GRIN2B: variants seen among roughly 807,000 people sequenced by gnomAD.
GRIN2B encodes the protein glutamate receptor ionotropic, NMDA 2B.
GRIN2B carries 5 observed loss-of-function variants against 114.5 expected under a neutral mutation model. The ratio of observed to expected loss-of-function variants is 0.04; its 90% CI spans 0.02 to 0.09. The LOEUF (loss-of-function observed/expected upper bound fraction) is 0.09, where lower values mean the gene tolerates loss of function less well. Among genes scored for constraint, GRIN2B ranks in the 10% least tolerant of loss-of-function variants. GRIN2B has a pLI of 1.00. For synonymous variants in GRIN2B, 787 were observed against 745.1 expected, an observed-to-expected ratio of 1.06 and a Z score of -0.92; for missense variants, 1,108 against 1,943.5, an observed-to-expected ratio of 0.57 and a Z score of 8.08.
chr12:13,855,573 G>A (rs1055971674), intron 3 of GRIN2B, among the ~76,000 whole-genome samples: 1 of 152,122 alleles, frequency 6.6e-6, no homozygotes, highest in African/African-American at 2.4e-5. Flanking sequence ...GCCTCTTCCA[G>A]TTTCTGGCGG....
At chr12:13,927,368 T>A (rs549718058) in intron 2 of GRIN2B, among the ~76,000 whole-genome samples, 1 of 152,224 alleles carries the variant, frequency 6.6e-6, no homozygotes, top group East Asian at 1.9e-4. Context: ...GCTAGAAATG[T>A]TTTTTTCTGT....
At chr12:13,654,127 G>A (rs1949842141) in intron 5 of GRIN2B, among the ~76,000 whole-genome samples, 1 of 152,130 alleles carries the variant, frequency 6.6e-6, no homozygotes, top group African/African-American at 2.4e-5. Context: ...GTGGGCTGCT[G>A]AATAGCCCTC....
chr12:13,760,395 T>C (rs1863657182), intron 3 of GRIN2B, among the ~76,000 whole-genome samples: 1 of 152,232 alleles, frequency 6.6e-6, no homozygotes, highest in African/African-American at 2.4e-5. Flanking sequence ...CTTTGTTGGC[T>C]ATCCAACTGT....
At chr12:13,567,598 CAA>C (rs1236654662) in intron 12 of GRIN2B, among the ~76,000 whole-genome samples, 1 of 152,106 alleles carries the variant, frequency 6.6e-6, no homozygotes, top group Admixed American at 6.5e-5. Context: ...CTGCAGGTAA[CAA>C]GAGTCCAAAT....
intron 10 of GRIN2B, among the ~76,000 whole-genome samples, chr12:13,607,451 A>ATATATTATATATAATATATATTATATAT (rs1491358230): frequency 1.1e-5 from 1 of 90,716 alleles, no homozygotes; most frequent in African/African-American, 4.8e-5. Context: ...TATATATAAT[A>ATATATTATATATAATATATATTATATAT]AATATATAAA....
At position 13,544,009 on chromosome 12, in the gene GRIN2B, C is replaced by T. The variant is rs1018752198; in HGVS notation, c.*18774G>A. 1 of 152,140 alleles carries T rather than the reference C, an allele frequency of 6.6e-6. No individual in the cohort carries two copies. Among genetic ancestry groups the T allele is most frequent in the African/African-American group, 2.4e-5 (1 of 41,422 alleles). 9.4% of individuals were successfully genotyped at this position (152,140 alleles called of 1,614,324 possible). A position where few individuals can be genotyped will look rare whatever the true frequency, so the allele number is the denominator to read the frequency against. On this transcript the variant is annotated 3_prime_UTR_variant, in exon 14 of 14. Coordinates refer to ENST00000609686, the MANE Select transcript of GRIN2B (RefSeq NM_000834.5). ...CCTAGGCATCATCAATTTTTCCTTTCTCCTGGATTAGTCTTGTCAACATAA... is the reference window on the plus strand; with the variant it reads ...CCTAGGCATCATCAATTTTTCCTTTTTCCTGGATTAGTCTTGTCAACATAA...
Position 13,706,750 on chromosome 12 carries a change from C to T in GRIN2B, c.1011-30891G>A, listed in dbSNP as rs184569785. The stretch of plus-strand genomic sequence containing the variant: ...TCAGAACTGTGTGAGTCCTGTTTGC[C>T]TCAGCTCCACACAGCTACAGGGACA... On this transcript the variant is annotated intron_variant, in intron 4 of 13. Transcript: ENST00000609686. Among the ~76,000 whole-genome samples the T allele has an allele frequency of 3.1e-4, 47 of 152,216 alleles. 2 individuals carry two copies. The highest frequency in any genetic ancestry group is 2.8e-3 in the Admixed American group (42 of 15,260).
At chr12:13,588,181 C>G (rs1021108871) in intron 10 of GRIN2B, among the ~76,000 whole-genome samples, 1 of 152,090 alleles carries the variant, frequency 6.6e-6, no homozygotes, top group South Asian at 2.1e-4. Context: ...GAGAAGGTAG[C>G]CTACTTCAAA....
rs201214704 is a variant in GRIN2B, at chr12:13,563,200, C to A, written c.4038G>T (p.Glu1346Asp). Residue 1346 changes from glutamate to aspartate, a missense_variant, in exon 14 of 14, where the codon GAG becomes GAT. Glu to Asp is a conservative substitution (Grantham distance 45, BLOSUM62 2). Coordinates refer to ENST00000609686, the MANE Select transcript of GRIN2B (RefSeq NM_000834.5). ...YAHMFEMSAG[E>D]STFANNKSSV... ...AGGACTTGTTGTTGGCAAAGGTGCT[C>A]TCGCCAGCTGACATCTCAAACATGT... 3 of 1,614,082 alleles carry A rather than the reference C, an allele frequency of 1.9e-6. No individual in the cohort carries two copies. The highest frequency in any genetic ancestry group is 1.7e-6 in the Non-Finnish European group (2 of 1,180,048).
chr12:13,594,721 A>C (rs956051117), intron 10 of GRIN2B, among the ~76,000 whole-genome samples: 1 of 151,688 alleles, frequency 6.6e-6, no homozygotes, highest in African/African-American at 2.4e-5. Context: ...GCCAAGTGGA[A>C]GGGCAGAAGT....
intron 4 of GRIN2B, among the ~76,000 whole-genome samples, chr12:13,693,265 A>G (rs1036426265): frequency 6.6e-6 from 1 of 152,190 alleles, no homozygotes; most frequent in Non-Finnish European, 1.5e-5. Flanking sequence ...TGCAGTTTCC[A>G]AGACCCTATC....
At chr12:13,641,437 C>A (rs1331536546) in intron 5 of GRIN2B, among the ~76,000 whole-genome samples, 1 of 152,076 alleles carries the variant, frequency 6.6e-6, no homozygotes, top group Non-Finnish European at 1.5e-5. Context: ...GCCTGACTTG[C>A]CATTTCCATG....
At chr12:13,810,210 T>C (rs560429464) in intron 3 of GRIN2B, among the ~76,000 whole-genome samples, 44 of 150,010 alleles carry the variant, frequency 2.9e-4, no homozygotes, top group African/African-American at 1.1e-3. Context: ...CTTAATTCTG[T>C]CTCAAATCAT....
Position 13,967,039 on chromosome 12 carries a change from C to A in GRIN2B, c.-19+12889G>T, listed in dbSNP as rs938880645. Among the ~76,000 whole-genome samples, 6 of 152,138 alleles carry A rather than the reference C, an allele frequency of 3.9e-5. No homozygotes were observed. In the East Asian group the frequency reaches 1.2e-3, roughly 29 times the overall value. On this transcript the variant is annotated intron_variant, in intron 2 of 13. Transcript: ENST00000609686. Reference sequence around the variant, plus strand: ...ACAGTAGCAGGGAAAATGTAAAAAACCCAAGATGACAGCAAGGAGCTGAGG... The same window carrying A: ...ACAGTAGCAGGGAAAATGTAAAAAAACCAAGATGACAGCAAGGAGCTGAGG...
Position 13,968,418 on chromosome 12 carries a change from C to G in GRIN2B, c.-19+11510G>C, listed in dbSNP as rs532995164. Reference sequence around the variant, plus strand: ...CACGATAACTGGCTCCCCTAAAGACCTCATTTTACAGATGAGGAAGTGAGT... The same window carrying G: ...CACGATAACTGGCTCCCCTAAAGACGTCATTTTACAGATGAGGAAGTGAGT... On this transcript the variant is annotated intron_variant, in intron 2 of 13. Coordinates refer to ENST00000609686, the MANE Select transcript of GRIN2B (RefSeq NM_000834.5). Among the ~76,000 whole-genome samples the G allele has an allele frequency of 6.6e-5, 10 of 152,230 alleles. No individual in the cohort carries two copies. In the East Asian group the frequency reaches 1.5e-3, roughly 24 times the overall value.
chr12:13,692,612 G>A (rs80223018), intron 4 of GRIN2B, among the ~76,000 whole-genome samples: 2,366 of 151,998 alleles, frequency 0.016, 97 homozygotes, highest in East Asian at 0.11. Flanking sequence ...ATGGGTGTGT[G>A]TGAATGTGCC....
chr12:13,726,367 T>C (rs908127355), intron 4 of GRIN2B, among the ~76,000 whole-genome samples: 4 of 151,752 alleles, frequency 2.6e-5, no homozygotes, highest in Admixed American at 6.6e-5. Context: ...AAACCTTGTC[T>C]CTACTAAAAA....
At chr12:13,782,302 C>A (rs1864130854) in intron 3 of GRIN2B, among the ~76,000 whole-genome samples, 1 of 152,092 alleles carries the variant, frequency 6.6e-6, no homozygotes, top group African/African-American at 2.4e-5. Context: ...CACACACTCT[C>A]TCTCTCTCTC....
At chr12:13,657,831 G>A (rs1477935074) in intron 5 of GRIN2B, among the ~76,000 whole-genome samples, 1 of 152,148 alleles carries the variant, frequency 6.6e-6, no homozygotes, top group Non-Finnish European at 1.5e-5. Flanking sequence ...ATCATTCACA[G>A]CATATTGTGA....
Sources: gnomAD v4.1 joint callset for allele counts (sites outside exome capture counted in the v4.1 genomes callset) on GRCh38, gnomAD v4.1.1 for gene constraint, MANE v1.5 for transcripts, NCBI Gene and HGNC (gene_info 2026-07-23, HGNC 2026-07-21) for gene names.